The following ZMYND11 variants were observed in gnomAD, a reference collection of about 807,000 sequenced individuals.
The protein encoded by ZMYND11 is zinc finger MYND domain-containing protein 11.
A neutral mutation model predicts 84.9 loss-of-function variants in ZMYND11; 9 were observed. That is an observed-to-expected ratio of 0.11 (90% CI 0.06 to 0.18). ZMYND11 has a LOEUF of 0.18. Ranked by LOEUF, ZMYND11 falls within the 10% of genes least tolerant of loss-of-function variation. The pLI is 1.00. For missense variants in ZMYND11, 409 were observed against 761.0 expected (o/e 0.54, Z 5.44); for synonymous variants, 250 against 244.1 (o/e 1.02, Z -0.23).
At chr10:235,385 C>T (rs2131647142) in intron 4 of ZMYND11, among the ~76,000 whole-genome samples, 2 of 152,136 alleles carry the variant, frequency 1.3e-5, no homozygotes, top group Admixed American at 1.3e-4. Context: ...AGAGAATTCT[C>T]AAGTTATATC....
chr10:244,600 G>A (rs1951739590), intron 10 of ZMYND11: 1 of 152,306 alleles, frequency 6.6e-6, no homozygotes, highest in African/African-American at 2.4e-5. Context: ...CAGGAAACCA[G>A]GTACAGACAA....
At chr10:170,801 A>G (rs1845148162) in intron 1 of ZMYND11, among the ~76,000 whole-genome samples, 1 of 152,098 alleles carries the variant, frequency 6.6e-6, no homozygotes, top group Admixed American at 6.6e-5. Flanking sequence ...AAAGTCAACC[A>G]ATGGAACATA....
chr10:210,982 GC>G (rs1945115860), intron 3 of ZMYND11, among the ~76,000 whole-genome samples: 1 of 151,232 alleles, frequency 6.6e-6, no homozygotes, highest in South Asian at 2.1e-4. Context: ...GGGCAACATA[GC>G]CCCCATCTCT....
At chr10:248,831 G>A in intron 13 of ZMYND11, 72 bp from the exon 14 acceptor site, 1 of 1,521,908 alleles carries the variant, frequency 6.6e-7, no homozygotes, top group Non-Finnish European at 8.8e-7. Context: ...GTTGTGTTAA[G>A]TTTCTGTTCC....
chr10:249,438 C>G, intron 14 of ZMYND11: 1 of 985,230 alleles, frequency 1.0e-6, no homozygotes, highest in Non-Finnish European at 1.2e-6. Flanking sequence ...TGGGTAACAT[C>G]CAAATGGTGA....
chr10:204,698 G>C (rs955805190), intron 2 of ZMYND11, among the ~76,000 whole-genome samples: 5 of 151,960 alleles, frequency 3.3e-5, no homozygotes, highest in African/African-American at 9.7e-5. Flanking sequence ...TTCTTGTTTT[G>C]TTAAGGGCTA....
intron 3 of ZMYND11, 27 bp downstream of exon 3, chr10:210,075 A>T: frequency 2.5e-6 from 4 of 1,610,050 alleles, no homozygotes. Context: ...TGATAAACAT[A>T]GAGATGTGAA....
At position 209,991 on chromosome 10, in the gene ZMYND11, C is replaced by T. The variant is rs1463677876; in HGVS notation, c.219C>T (p.Cys73=). The change falls in exon 3 of 15, where the codon TGC becomes TGT. Residue 73 remains cysteine, a synonymous_variant. Coordinates refer to ENST00000381604, the MANE Select transcript of ZMYND11 (RefSeq NM_001370100.5). ...GLIVETLTVG[C]KGSKAGIEQE... is the part of the protein sequence containing the mutation. The stretch of plus-strand genomic sequence containing the variant: ...TTGTCGAAACTCTAACAGTGGGCTG[C>T]AAAGGTTCAAAAGCTGGTATTGAAC... 2 of 1,613,962 alleles carry T rather than the reference C, an allele frequency of 1.2e-6. No homozygotes were observed. Among genetic ancestry groups the T allele is most frequent in the African/African-American group, 2.7e-5 (2 of 74,912 alleles).
intron 1 of ZMYND11, among the ~76,000 whole-genome samples, chr10:152,804 A>G (rs1339079890): frequency 1.3e-5 from 2 of 152,236 alleles, no homozygotes; most frequent in Admixed American, 6.5e-5. Flanking sequence ...TTGACCACAT[A>G]GTTGGAAGTA....
intron 2 of ZMYND11, chr10:197,807 T>A: frequency 2.6e-6 from 1 of 382,244 alleles, no homozygotes; most frequent in Non-Finnish European, 4.7e-6. Flanking sequence ...ATGTTATTGT[T>A]ATGTAATAAA....
chr10:135,079 C>G (rs1835589863), upstream of ZMYND11: 1 of 149,556 alleles, frequency 6.7e-6, no homozygotes. This position sits in a 1 kb window ranked among gnomAD's most constrained non-coding sequence, Gnocchi z 5.6. Context: ...GCGGCCGCCC[C>G]GCGCGCATCG....
intron 1 of ZMYND11, among the ~76,000 whole-genome samples, chr10:154,401 A>G (rs1434017455): frequency 6.6e-6 from 1 of 152,198 alleles, no homozygotes; most frequent in Non-Finnish European, 1.5e-5. Flanking sequence ...CAAAATCACA[A>G]CAAAAAGCAG....
rs530760095 is a variant in ZMYND11 at position 220,821 on chromosome 10, G to T, written c.277-374G>T. On this transcript the variant is annotated intron_variant, in intron 3 of 14. Coordinates refer to ENST00000381604, the MANE Select transcript of ZMYND11 (RefSeq NM_001370100.5). The stretch of plus-strand genomic sequence containing the variant: ...TATATGTAAAGCAGAACAAAACAAA[G>T]GTTTGTTTATTTGAAATGCGAAGCT... Among the ~76,000 whole-genome samples, 25 of 152,260 alleles carry T rather than the reference G, an allele frequency of 1.6e-4. No homozygotes were observed. The South Asian group carries it at 5.0e-3, about 30-fold the overall frequency.
At chr10:178,709 A>G (rs1847191808) in intron 1 of ZMYND11, among the ~76,000 whole-genome samples, 1 of 152,224 alleles carries the variant, frequency 6.6e-6, no homozygotes, top group Admixed American at 6.5e-5. Context: ...GCTTGGAACT[A>G]TTAGAAGTAA....
chr10:249,229 A>T (rs1475086752), intron 14 of ZMYND11, 141 bp downstream of exon 14: 3 of 1,473,324 alleles, frequency 2.0e-6, no homozygotes, highest in African/African-American at 2.9e-5. Flanking sequence ...CTTTAGTTTT[A>T]AAAATTTTAT....
intron 1 of ZMYND11, among the ~76,000 whole-genome samples, chr10:157,948 A>G (rs1285716327): frequency 6.6e-6 from 1 of 152,184 alleles, no homozygotes; most frequent in Admixed American, 6.5e-5. Context: ...TTTCATGTAA[A>G]TGAAATCATA....
chr10:241,523 T>G (rs1950923498), intron 9 of ZMYND11, among the ~76,000 whole-genome samples: 2 of 152,188 alleles, frequency 1.3e-5, no homozygotes, highest in Admixed American at 1.3e-4. Flanking sequence ...CTTTCATCCT[T>G]TCACAAGAGA....
chr10:225,342 T>C lies in ZMYND11; in HGVS notation c.438+3986T>C, dbSNP rs553924663. The stretch of plus-strand genomic sequence containing the variant: ...GATAAGATGAATTTTTTGTTGTCGT[T>C]GTTTTTTTGTTTTTTATGTGTGTTT... On this transcript the variant is annotated intron_variant, in intron 4 of 14. Transcript: ENST00000381604. Among the ~76,000 whole-genome samples the C allele has an allele frequency of 5.0e-4, 38 of 75,594 alleles. No individual in the cohort carries two copies. The South Asian group carries it at 0.02, about 40-fold the overall frequency. The allele number at this position is 75,594 out of a possible 152,430, so 49.6% of individuals were successfully genotyped here. A position where few individuals can be genotyped will look rare whatever the true frequency, so the allele number is the denominator to read the frequency against.
At chr10:200,556 C>G (rs528093888) in intron 2 of ZMYND11, among the ~76,000 whole-genome samples, 2 of 151,818 alleles carry the variant, frequency 1.3e-5, no homozygotes, top group African/African-American at 4.8e-5. Flanking sequence ...AGATTACAAG[C>G]ATGAGCCACC....
Sources: gnomAD v4.1 joint callset for allele counts (sites outside exome capture counted in the v4.1 genomes callset) on GRCh38, gnomAD v4.1.1 for gene constraint, Gnocchi (gnomAD v3.1) non-coding constraint, MANE v1.5 for transcripts, NCBI Gene and HGNC (gene_info 2026-07-23, HGNC 2026-07-21) for gene names.